FAM216A: variants seen among roughly 807,000 people sequenced by gnomAD.
FAM216A encodes protein FAM216A.
In FAM216A, 26 loss-of-function variants were observed where a neutral mutation model predicts 37.6. That is an observed-to-expected ratio of 0.69 (90% CI 0.51 to 0.96). FAM216A has a LOEUF of 0.96. Among genes scored for constraint, FAM216A ranks in the 40% least tolerant of loss-of-function variants. The pLI is 0.00. For synonymous variants in FAM216A, 110 were observed against 121.7 expected (o/e 0.90, Z 0.64); for missense variants, 326 against 339.3 (o/e 0.96, Z 0.31).
chr12:110,488,039 CA>C, intron 6 of FAM216A, 96 bp downstream of exon 6: 1 of 730,346 alleles, frequency 1.4e-6, no homozygotes, highest in Non-Finnish European at 2.3e-6. Context: ...AAGATATTAA[CA>C]AATTTAGAAT....
chr12:110,472,265 T>C (rs2062690961), intron 1 of FAM216A, among the ~76,000 whole-genome samples: 1 of 151,662 alleles, frequency 6.6e-6, no homozygotes, highest in Admixed American at 6.6e-5. Context: ...AAGAACAGTC[T>C]TTTCAATACC....
In FAM216A at chr12:110,473,122, A is replaced by G; in HGVS notation, c.184+4A>G. On this transcript the variant is annotated splice_donor_region_variant and intron_variant, in intron 2 of 6. Coordinates refer to ENST00000377673, the MANE Select transcript of FAM216A (RefSeq NM_013300.3). ...TACCAGAATTCCAAAGGTTCTGGTGAGTAGTGCATATAAAGCAGATAATAC... is the reference window on the plus strand; with the variant it reads ...TACCAGAATTCCAAAGGTTCTGGTGGGTAGTGCATATAAAGCAGATAATAC... The G allele has an allele frequency of 1.3e-6, 2 of 1,544,156 alleles. No homozygotes were observed. The highest frequency in any genetic ancestry group is 2.3e-5 in the East Asian group (1 of 44,258).
At chr12:110,483,913 T>A (rs2062761955) in intron 2 of FAM216A, among the ~76,000 whole-genome samples, 1 of 152,058 alleles carries the variant, frequency 6.6e-6, no homozygotes, top group African/African-American at 2.4e-5. Context: ...TAATACTACA[T>A]CTCCAAAGGG....
At chr12:110,487,999 T>C (rs2062786525) in intron 6 of FAM216A, 56 bp downstream of exon 6, 1 of 959,752 alleles carries the variant, frequency 1.0e-6, no homozygotes, top group African/African-American at 1.6e-5. Flanking sequence ...TTAAAAATAC[T>C]ATACCAAATA....
chr12:110,479,785 C>G (rs1394875615), intron 2 of FAM216A, among the ~76,000 whole-genome samples: 2 of 151,112 alleles, frequency 1.3e-5, no homozygotes, highest in Non-Finnish European at 2.9e-5. Context: ...TTGCAGTGAG[C>G]AGAGATCGCG....
At chr12:110,479,794 C>T (rs902528754) in intron 2 of FAM216A, among the ~76,000 whole-genome samples, 3 of 150,994 alleles carry the variant, frequency 2.0e-5, no homozygotes, top group African/African-American at 4.9e-5. Flanking sequence ...GCAGAGATCG[C>T]GCCACTGCAC....
At chr12:110,486,797 C>A in intron 5 of FAM216A, 80 bp downstream of exon 5, 1 of 1,292,026 alleles carries the variant, frequency 7.7e-7, no homozygotes, top group Non-Finnish European at 1.1e-6. Flanking sequence ...TGTTCTCTCA[C>A]CCAGGCTGGA....
At chr12:110,468,463 C>CT, upstream of FAM216A, 1 of 1,537,102 alleles carries the variant, frequency 6.5e-7, no homozygotes, top group Non-Finnish European at 8.7e-7. Context: ...GCTGTCTAAG[C>CT]TTGGATACCT....
chr12:110,484,963 GTGC>G lies in FAM216A; in HGVS notation c.185-112_185-110del, dbSNP rs1478276994. On this transcript the variant is annotated intron_variant, in intron 2 of 6. Transcript: ENST00000377673. The stretch of plus-strand genomic sequence containing the variant: ...GATCCACCCACCTCGGCCTCCCAAA[GTGC>G]TGGGATTACAGGCGTGAGCCACCAC... The G allele has an allele frequency of 3.9e-6, 4 of 1,017,542 alleles. No individual in the cohort carries two copies. The African/African-American group carries it at 6.6e-5, about 17-fold the overall frequency. The allele number at this position is 1,017,542 out of a possible 1,614,324, so 63.0% of individuals were successfully genotyped here.
chr12:110,489,558 C>T (rs2062799134), intron 6 of FAM216A, among the ~76,000 whole-genome samples: 1 of 151,618 alleles, frequency 6.6e-6, no homozygotes, highest in Non-Finnish European at 1.5e-5. Flanking sequence ...TGTTAGCCAG[C>T]TTTGCTGTAA....
At position 110,468,862 on chromosome 12, in the gene FAM216A, C is replaced by G; in HGVS notation, c.-14C>G. 6.7e-7 allele frequency: 1 copy of G among 1,487,202 alleles called. No individual in the cohort carries two copies. Among genetic ancestry groups the G allele is most frequent in the Non-Finnish European group, 8.9e-7 (1 of 1,118,704 alleles). 92.1% of individuals were successfully genotyped at this position (1,487,202 alleles called of 1,614,324 possible). On this transcript the variant is annotated 5_prime_UTR_variant, in exon 1 of 7. Coordinates refer to ENST00000377673, the MANE Select transcript of FAM216A (RefSeq NM_013300.3). ...ATACCAGCAGCCTGACGCACGCGTG[C>G]TGTCGGGGGAGGGATGCTGGGACAG...
intron 2 of FAM216A, among the ~76,000 whole-genome samples, chr12:110,474,248 A>C (rs1032633731): frequency 6.6e-6 from 1 of 152,154 alleles, no homozygotes; most frequent in African/African-American, 2.4e-5. Context: ...TATAATTATT[A>C]GTAATATATT....
intron 5 of FAM216A, chr12:110,487,029 C>T: frequency 3.8e-6 from 1 of 260,938 alleles, no homozygotes; most frequent in Non-Finnish European, 7.3e-6. Context: ...CTGTGCCCAG[C>T]CTTCCCCATC....
rs752744350 is a variant in FAM216A at position 110,473,123 on chromosome 12, G to C, written c.184+5G>C. The stretch of plus-strand genomic sequence containing the variant: ...ACCAGAATTCCAAAGGTTCTGGTGA[G>C]TAGTGCATATAAAGCAGATAATACT... On this transcript the variant is annotated splice_donor_5th_base_variant and intron_variant, in intron 2 of 6. Transcript: ENST00000377673. The C allele has an allele frequency of 5.8e-6, 9 of 1,544,718 alleles. No individual in the cohort carries two copies. The South Asian group carries it at 5.9e-5, about 10-fold the overall frequency.
chr12:110,481,348 A>G (rs1366318099), intron 2 of FAM216A, among the ~76,000 whole-genome samples: 1 of 151,808 alleles, frequency 6.6e-6, no homozygotes, highest in Non-Finnish European at 1.5e-5. Context: ...CTGCCATACT[A>G]TTTTTCTTTT....
At chr12:110,471,749 C>T (rs1056600357) in intron 1 of FAM216A, among the ~76,000 whole-genome samples, 1 of 152,226 alleles carries the variant, frequency 6.6e-6, no homozygotes, top group South Asian at 2.1e-4. Flanking sequence ...AAGGAAGCGG[C>T]GGTGAAAAGT....
chr12:110,489,569 A>G (rs994231500), intron 6 of FAM216A, among the ~76,000 whole-genome samples: 2 of 152,090 alleles, frequency 1.3e-5, no homozygotes, highest in Non-Finnish European at 2.9e-5. Flanking sequence ...TTTGCTGTAA[A>G]TATCGTACCA....
chr12:110,484,574 T>A (rs563713629), intron 2 of FAM216A, among the ~76,000 whole-genome samples: 7 of 151,718 alleles, frequency 4.6e-5, no homozygotes, highest in Admixed American at 3.3e-4. Flanking sequence ...ACACTTTGCA[T>A]CTTAGCTGAG....
intron 2 of FAM216A, among the ~76,000 whole-genome samples, chr12:110,483,385 A>G (rs1484062637): frequency 2.0e-5 from 3 of 151,966 alleles, no homozygotes; most frequent in Non-Finnish European, 4.4e-5. Context: ...ATTTTTCCCA[A>G]AACTGCTAGT....
Sources: allele counts gnomAD v4.1 joint callset (sites outside exome capture counted in the v4.1 genomes callset), GRCh38; gene constraint gnomAD v4.1.1; transcripts MANE v1.5; gene names NCBI Gene and HGNC (gene_info 2026-07-23, HGNC 2026-07-21).